FAM149A: variants seen among roughly 807,000 people sequenced by gnomAD.
FAM149A encodes family with sequence similarity 149 member A.
A neutral mutation model predicts 78.2 loss-of-function variants in FAM149A; 71 were observed. That is an observed-to-expected ratio of 0.91 (90% CI 0.75 to 1.11). FAM149A has a LOEUF of 1.11. Among genes scored for constraint, FAM149A ranks in the 50% least tolerant of loss-of-function variants. The probability of loss-of-function intolerance (pLI) is 0.00; values close to 1 mark genes in which losing one functional copy is unlikely to be tolerated. For missense variants in FAM149A, 1,036 were observed against 971.0 expected (o/e 1.07, Z -0.89); for synonymous variants, 446 against 410.5 (o/e 1.09, Z -1.04).
At position 186,173,630 on chromosome 4, in the gene FAM149A, T is replaced by TA. The variant is rs1324482707; in HGVS notation, c.*1644dup. Reference sequence around the variant, plus strand: ...CCTCGGCCTCCCAAAGTGCTGGGATTATAGGCGTGAGCTTCCGCGCCTGGC... The same window carrying TA: ...CCTCGGCCTCCCAAAGTGCTGGGATTAATAGGCGTGAGCTTCCGCGCCTGGC... On this transcript the variant is annotated 3_prime_UTR_variant, in exon 14 of 14. Coordinates refer to ENST00000389354, the MANE Select transcript of FAM149A (RefSeq NM_001367768.3). 4.5e-5 allele frequency among the ~76,000 whole-genome samples: 5 copies of TA among 111,408 alleles called. 2 individuals are homozygous for TA. The highest frequency in any genetic ancestry group is 1.1e-4 in the Non-Finnish European group (5 of 44,234). The allele number at this position is 111,408 out of a possible 152,430, so 73.1% of individuals were successfully genotyped here.
chr4:186,159,708 T>C (rs1734355943), intron 8 of FAM149A, among the ~76,000 whole-genome samples: 1 of 152,120 alleles, frequency 6.6e-6, no homozygotes, highest in African/African-American at 2.4e-5. Flanking sequence ...TAAATTTTTC[T>C]TGAATTGCAT....
At chr4:186,124,016 C>T in intron 1 of FAM149A, 2 of 985,282 alleles carry the variant, frequency 2.0e-6, no homozygotes, top group South Asian at 9.4e-5. Flanking sequence ...GCTACACACT[C>T]ACACAGACAA....
chr4:186,169,858 A>G (rs1039920478), intron 13 of FAM149A: 2 of 985,412 alleles, frequency 2.0e-6, no homozygotes, highest in Non-Finnish European at 2.4e-6. Context: ...TTAACTACTG[A>G]CCCAAGACAA....
At chr4:186,166,223 T>C (rs1022368095) in intron 11 of FAM149A, among the ~76,000 whole-genome samples, 1 of 152,160 alleles carries the variant, frequency 6.6e-6, no homozygotes, top group Non-Finnish European at 1.5e-5. Context: ...CATAAAGACA[T>C]AGTGAGAGAA....
chr4:186,123,103 A>G (rs2099316790), intron 1 of FAM149A: 3 of 402,724 alleles, frequency 7.4e-6, no homozygotes, highest in South Asian at 2.0e-4. Context: ...TTTCATTCAT[A>G]GGCCATGCCT....
chr4:186,156,766 G>T (rs956894922), intron 7 of FAM149A, among the ~76,000 whole-genome samples: 16 of 152,022 alleles, frequency 1.1e-4, no homozygotes, highest in African/African-American at 3.6e-4. Flanking sequence ...GAGGTTCAAG[G>T]CCAGCTCAGC....
At chr4:186,116,759 T>C in intron 1 of FAM149A, 1 of 982,224 alleles carries the variant, frequency 1.0e-6, no homozygotes. Context: ...GAAAATTGTA[T>C]TTGAGTTAGC....
intron 1 of FAM149A, among the ~76,000 whole-genome samples, chr4:186,147,458 T>G (rs1733145698): frequency 6.6e-6 from 1 of 152,178 alleles, no homozygotes; most frequent in Admixed American, 6.5e-5. Flanking sequence ...TGACTGACAC[T>G]TCATATACTT....
intron 10 of FAM149A, 98 bp downstream of exon 10, chr4:186,163,731 C>G (rs1734798191): frequency 1.1e-6 from 1 of 870,306 alleles, no homozygotes; most frequent in Non-Finnish European, 1.9e-6. Context: ...GCATCCCTAC[C>G]TAGTTTTACA....
chr4:186,149,194 T>C lies in FAM149A; in HGVS notation c.588T>C (p.Arg196=). ...CCAGAAGAGGACTGTCAGAAGGACG[T>C]AGAAGGCACGGTTTTACTGTGAGGA... Residue 196 remains arginine (R), a synonymous_variant, in exon 2 of 14, where the codon CGT becomes CGC. Coordinates refer to ENST00000389354, the MANE Select transcript of FAM149A (RefSeq NM_001367768.3). The C allele has an allele frequency of 1.6e-6, 2 of 1,288,898 alleles. No homozygotes were observed. Among genetic ancestry groups the C allele is most frequent in the Non-Finnish European group, 2.0e-6 (2 of 988,484 alleles). The allele number at this position is 1,288,898 out of a possible 1,614,324, so 79.8% of individuals were successfully genotyped here. A position where few individuals can be genotyped will look rare whatever the true frequency, so the allele number is the denominator to read the frequency against.
chr4:186,156,063 T>G lies in FAM149A; in HGVS notation c.1293T>G (p.Leu431=). 1.2e-6 allele frequency: 2 copies of G among 1,613,940 alleles called. No homozygotes were observed. Among genetic ancestry groups the G allele is most frequent in the Non-Finnish European group, 1.7e-6 (2 of 1,179,862 alleles). The stretch of plus-strand genomic sequence containing the variant: ...GTAGGAAATGGCGCAAACTCGGACT[T>G]CCTCCTGTTTCCCCGCGTGACTGTG... The change falls in exon 7 of 14, where the codon CTT becomes CTG. Residue 431 remains leucine (L), a synonymous_variant. Coordinates refer to ENST00000389354, the MANE Select transcript of FAM149A (RefSeq NM_001367768.3).
At chr4:186,149,852 A>G in intron 3 of FAM149A, 148 bp downstream of exon 3, 1 of 445,612 alleles carries the variant, frequency 2.2e-6, no homozygotes, top group Non-Finnish European at 3.5e-6. Flanking sequence ...TGTACATGTT[A>G]CATGTGAAAA....
chr4:186,151,214 G>A (rs1733551154), intron 3 of FAM149A, among the ~76,000 whole-genome samples: 1 of 152,016 alleles, frequency 6.6e-6, no homozygotes, highest in Non-Finnish European at 1.5e-5. Flanking sequence ...TCTCCCTTAC[G>A]CCCACTCACC....
intron 1 of FAM149A, chr4:186,116,356 G>T (rs2099313688): frequency 2.1e-6 from 1 of 468,950 alleles, no homozygotes; most frequent in Non-Finnish European, 2.8e-6. Flanking sequence ...CCCGTCTTCT[G>T]TGTCACTCAC....
intron 1 of FAM149A, among the ~76,000 whole-genome samples, chr4:186,124,704 A>G (rs1385663092): frequency 2.6e-5 from 4 of 152,200 alleles, no homozygotes; most frequent in African/African-American, 9.7e-5. Context: ...TGCTATTGTG[A>G]ATAGTGCCAC....
intron 13 of FAM149A, chr4:186,169,441 G>T: frequency 1.0e-6 from 1 of 985,254 alleles, no homozygotes; most frequent in Non-Finnish European, 1.2e-6. Flanking sequence ...CTCACACACG[G>T]ATTTGAGCTT....
rs116622461 is a variant in FAM149A, at chr4:186,117,624, T to G, written c.566+11982T>G. The G allele has an allele frequency of 2.8e-4, 273 of 985,426 alleles. 1 individual carries two copies. The African/African-American group carries it at 4.4e-3, about 16-fold the overall frequency. 61.0% of individuals were successfully genotyped at this position (985,426 alleles called of 1,614,324 possible). ...GCCCAGAGCCACATGGCGTGAGGCT[T>G]TCCATTTGTTAGGAGCACAGCTGTT... On this transcript the variant is annotated intron_variant, in intron 1 of 13. Coordinates refer to ENST00000389354, the MANE Select transcript of FAM149A (RefSeq NM_001367768.3).
chr4:186,151,210 T>C (rs944103600), intron 3 of FAM149A, among the ~76,000 whole-genome samples: 1 of 152,150 alleles, frequency 6.6e-6, no homozygotes. Context: ...TTCCTCTCCC[T>C]TACGCCCACT....
At chr4:186,126,951 T>C in intron 1 of FAM149A, 1 of 985,406 alleles carries the variant, frequency 1.0e-6, no homozygotes, top group Non-Finnish European at 1.2e-6. Context: ...AATTTTCTGC[T>C]TTGGAACCAC....
Sources: gnomAD v4.1 joint callset for allele counts (sites outside exome capture counted in the v4.1 genomes callset) on GRCh38, gnomAD v4.1.1 for gene constraint, MANE v1.5 for transcripts, NCBI Gene and HGNC (gene_info 2026-07-23, HGNC 2026-07-21) for gene names.